GFRA2: variants seen among roughly 807,000 people sequenced by gnomAD.
GFRA2 encodes GDNF family receptor alpha-2.
A neutral mutation model predicts 48.3 loss-of-function variants in GFRA2; 17 were observed. The observed-to-expected ratio is 0.35, with a 90% CI of 0.24 to 0.53. The LOEUF (loss-of-function observed/expected upper bound fraction) is 0.53, where lower values mean the gene tolerates loss of function less well. Ranked by LOEUF, GFRA2 falls within the 20% of genes least tolerant of loss-of-function variation. The pLI is 0.93. For missense variants in GFRA2, 660 were observed against 637.3 expected, an observed-to-expected ratio of 1.04 and a Z score of -0.38; for synonymous variants, 305 against 257.2, an observed-to-expected ratio of 1.19 and a Z score of -1.78.
intron 4 of GFRA2, among the ~76,000 whole-genome samples, chr8:21,713,873 C>G (rs1439087807): frequency 6.6e-6 from 1 of 152,174 alleles, no homozygotes; most frequent in Non-Finnish European, 1.5e-5. Context: ...GGGTACCTTT[C>G]AGACCTCACC....
intron 2 of GFRA2, among the ~76,000 whole-genome samples, chr8:21,780,554 G>A (rs1806931398): frequency 6.6e-6 from 1 of 152,022 alleles, no homozygotes; most frequent in Non-Finnish European, 1.5e-5. Context: ...GCAGGCTCAT[G>A]TCCCTTCCTC....
chr8:21,762,159 C>G (rs1377193676), intron 3 of GFRA2, among the ~76,000 whole-genome samples: 2 of 152,104 alleles, frequency 1.3e-5, no homozygotes, highest in African/African-American at 4.8e-5. Context: ...GCTTCCTCTG[C>G]TCCATCCCAA....
rs10674628 is a variant in GFRA2, at chr8:21,714,246, C to CTTTTTTTTTTTTTTTTTTTT, written c.795-8225_795-8206dup. Among the ~76,000 whole-genome samples the CTTTTTTTTTTTTTTTTTTTT allele has an allele frequency of 5.1e-5, 4 of 78,400 alleles. 1 individual carries two copies. Among genetic ancestry groups the CTTTTTTTTTTTTTTTTTTTT allele is most frequent in the African/African-American group, 1.6e-4 (3 of 19,292 alleles). 51.4% of individuals were successfully genotyped at this position (78,400 alleles called of 152,430 possible). A position where few individuals can be genotyped will look rare whatever the true frequency, so the allele number is the denominator to read the frequency against. ...GATCAATACATACTGGTCTGAAGTTCTTTTTTTTTTTTTTTTTTTTTTTGA... is the reference window on the plus strand; with the variant it reads ...GATCAATACATACTGGTCTGAAGTTCTTTTTTTTTTTTTTTTTTTTTTTTTTTTTTTTTTTTTTTTTTTGA... On this transcript the variant is annotated intron_variant, in intron 4 of 8. Transcript: ENST00000524240.
chr8:21,755,477 T>C (rs535970755), intron 3 of GFRA2, among the ~76,000 whole-genome samples: 1 of 152,296 alleles, frequency 6.6e-6, no homozygotes, highest in African/African-American at 2.4e-5. Context: ...CATTAATATA[T>C]CTTTAATGAG....
chr8:21,780,055 T>A lies in GFRA2; in HGVS notation c.355+2530A>T, dbSNP rs1416203555. On this transcript the variant is annotated intron_variant, in intron 2 of 8. Coordinates refer to ENST00000524240, the MANE Select transcript of GFRA2 (RefSeq NM_001495.5). ...TTTTAAACTGCTCGATCCTCTCCCA[T>A]CTTTTTTTTTTTTTTAAGCATCCTT... is the stretch of plus-strand genomic sequence containing the variant. 2.3e-5 allele frequency among the ~76,000 whole-genome samples: 3 copies of A among 130,658 alleles called. No homozygotes were observed. In the East Asian group the frequency reaches 6.7e-4, roughly 29 times the overall value. 85.7% of individuals were successfully genotyped at this position (130,658 alleles called of 152,430 possible). A position where few individuals can be genotyped will look rare whatever the true frequency, so the allele number is the denominator to read the frequency against.
intron 4 of GFRA2, among the ~76,000 whole-genome samples, chr8:21,730,856 C>T (rs1228888068): frequency 6.6e-6 from 1 of 152,146 alleles, no homozygotes; most frequent in Non-Finnish European, 1.5e-5. Flanking sequence ...TAAGGTAAAT[C>T]ATAGTGTAGG....
chr8:21,789,150 C>T, upstream of GFRA2: 1 of 168,848 alleles, frequency 5.9e-6, no homozygotes, highest in Non-Finnish European at 1.2e-5. Flanking sequence ...GATCGCGGGC[C>T]GAGAGGAGAG....
At chr8:21,714,246 C>CTTTTTATT (rs1803218590) in intron 4 of GFRA2, among the ~76,000 whole-genome samples, 1 of 78,400 alleles carries the variant, frequency 1.3e-5, no homozygotes, top group African/African-American at 5.2e-5. Flanking sequence ...GTCTGAAGTT[C>CTTTTTATT]TTTTTTTTTT....
At chr8:21,724,808 C>A (rs1803779761) in intron 4 of GFRA2, among the ~76,000 whole-genome samples, 1 of 152,186 alleles carries the variant, frequency 6.6e-6, no homozygotes, top group African/African-American at 2.4e-5. Context: ...CAAAGGCCCA[C>A]CCCTAGGCTC....
At chr8:21,790,191 G>A (rs1277952392), upstream of GFRA2, 6 of 737,816 alleles carry the variant, frequency 8.1e-6, no homozygotes, top group Non-Finnish European at 9.9e-6. Flanking sequence ...GAGCGGGAGA[G>A]GCGCGGGGTC....
chr8:21,719,877 A>G lies in GFRA2; in HGVS notation c.795-13836T>C, dbSNP rs183218550. 1.1e-4 allele frequency among the ~76,000 whole-genome samples: 16 copies of G among 152,078 alleles called. No individual in the cohort carries two copies. The East Asian group carries it at 3.1e-3, about 30-fold the overall frequency. On this transcript the variant is annotated intron_variant, in intron 4 of 8. Coordinates refer to ENST00000524240, the MANE Select transcript of GFRA2 (RefSeq NM_001495.5). ...GGTCACTCTCTCAAATGCTCTTCCT[A>G]GACCAGTAATTTGTCCGAAGACCCT... is the stretch of plus-strand genomic sequence containing the variant.
chr8:21,699,068 T>A (rs574580820), intron 7 of GFRA2, among the ~76,000 whole-genome samples: 1 of 152,350 alleles, frequency 6.6e-6, no homozygotes, highest in South Asian at 2.1e-4. Flanking sequence ...CATAGCCATG[T>A]GAGCTTCATC....
chr8:21,757,577 A>G lies in GFRA2; in HGVS notation c.440-6635T>C, dbSNP rs1351348441. 1.3e-5 allele frequency among the ~76,000 whole-genome samples: 2 copies of G among 149,172 alleles called. 1 individual carries two copies. Among genetic ancestry groups the G allele is most frequent in the Non-Finnish European group, 3.0e-5 (2 of 67,786 alleles). On this transcript the variant is annotated intron_variant, in intron 3 of 8. Coordinates refer to ENST00000524240, the MANE Select transcript of GFRA2 (RefSeq NM_001495.5). ...GGCATGATCTCGGCTCACTGCAGCC[A>G]CTGCCTCCCAGGTTCAGGCGATTCT... is the stretch of plus-strand genomic sequence containing the variant.
At chr8:21,747,756 C>CCACACA (rs61578379) in intron 4 of GFRA2, among the ~76,000 whole-genome samples, 1,745 of 139,066 alleles carry the variant, frequency 0.013, 23 homozygotes, top group African/African-American at 0.036. Context: ...CCATCTTCCA[C>CCACACA]CACACACACA....
In GFRA2 at chr8:21,692,468, A is replaced by G. The variant is rs1274267210; in HGVS notation, c.*810T>C. ...CCTCTCCCCAAAGGGAGGCCTGCCA[A>G]AGGACCCACGAGAAAGCAAAGAAGC... On this transcript the variant is annotated 3_prime_UTR_variant, in exon 9 of 9. Transcript: ENST00000524240. 1.3e-5 allele frequency: 2 copies of G among 151,948 alleles called. No individual in the cohort carries two copies. The highest frequency in any genetic ancestry group is 4.8e-5 in the African/African-American group (2 of 41,386). 9.4% of individuals were successfully genotyped at this position (151,948 alleles called of 1,614,324 possible). A position where few individuals can be genotyped will look rare whatever the true frequency, so the allele number is the denominator to read the frequency against.
intron 2 of GFRA2, among the ~76,000 whole-genome samples, chr8:21,801,082 C>T (rs1306950160): frequency 6.6e-6 from 1 of 152,244 alleles, no homozygotes; most frequent in Non-Finnish European, 1.5e-5. Flanking sequence ...AATCTGACAA[C>T]TCATTAAAAC....
chr8:21,728,279 T>TG (rs958073880), intron 4 of GFRA2, among the ~76,000 whole-genome samples: 6 of 138,792 alleles, frequency 4.3e-5, no homozygotes, highest in Admixed American at 2.9e-4. Context: ...TTTTTTTTTT[T>TG]TTTTTTTTTT....
At chr8:21,709,943 G>A (rs1365230071) in intron 4 of GFRA2, among the ~76,000 whole-genome samples, 1 of 152,190 alleles carries the variant, frequency 6.6e-6, no homozygotes, top group African/African-American at 2.4e-5. Context: ...ATATTTCCCT[G>A]ACGGGCCACA....
At chr8:21,735,428 C>T (rs1804407136) in intron 4 of GFRA2, among the ~76,000 whole-genome samples, 1 of 151,998 alleles carries the variant, frequency 6.6e-6, no homozygotes, top group African/African-American at 2.4e-5. Flanking sequence ...CCAGCGACCA[C>T]CTCTATCCCA....
Sources: gnomAD v4.1 joint callset for allele counts (sites outside exome capture counted in the v4.1 genomes callset) on GRCh38, gnomAD v4.1.1 for gene constraint, MANE v1.5 for transcripts, NCBI Gene and HGNC (gene_info 2026-07-23, HGNC 2026-07-21) for gene names.